SGCD: variants seen among roughly 807,000 people sequenced by gnomAD.
SGCD encodes the protein sarcoglycan delta.
A neutral mutation model predicts 36.6 loss-of-function variants in SGCD; 18 were observed. The ratio of observed to expected loss-of-function variants is 0.49; its 90% CI spans 0.34 to 0.73. SGCD has a LOEUF of 0.73. Ranked by LOEUF, SGCD falls within the 30% of genes least tolerant of loss-of-function variation. The pLI, the probability that SGCD is intolerant of heterozygous loss-of-function variation, is 0.01. For synonymous variants in SGCD, 133 were observed against 130.6 expected (o/e 1.02, Z -0.12); for missense variants, 387 against 346.7 (o/e 1.12, Z -0.92).
rs73810350 is a variant in SGCD, at chr5:155,923,826, A to C, written c.-282+53402A>C. Among the ~76,000 whole-genome samples, 1,380 of 152,232 alleles carry C rather than the reference A, an allele frequency of 9.1e-3. 27 individuals carry two copies. Among genetic ancestry groups the C allele is most frequent in the African/African-American group, 0.031 (1,276 of 41,556 alleles). ...TGTTTTAACTAGTGAACAAACAATT[A>C]TTTTTTTCACGTATCACCATATATA... On this transcript the variant is annotated intron_variant, in intron 1 of 9. Transcript: ENST00000517913.
At chr5:155,980,567 G>T (rs1322881069) in intron 1 of SGCD, among the ~76,000 whole-genome samples, 4 of 108,438 alleles carry the variant, frequency 3.7e-5, no homozygotes, top group Non-Finnish European at 6.8e-5. Flanking sequence ...CAGCCTCGGT[G>T]ACAGAGCAAG....
intron 7 of SGCD, among the ~76,000 whole-genome samples, chr5:156,699,252 A>AT (rs1754437807): frequency 6.6e-6 from 1 of 151,784 alleles, no homozygotes; most frequent in Non-Finnish European, 1.5e-5. Context: ...TGGGGTATCT[A>AT]TTTTTTTAAG....
intron 6 of SGCD, among the ~76,000 whole-genome samples, chr5:156,605,716 T>C (rs1413901182): frequency 1.3e-5 from 2 of 152,210 alleles, no homozygotes; most frequent in African/African-American, 4.8e-5. Context: ...ACTTGTTGTT[T>C]CCTGACTTTT....
intron 1 of SGCD, among the ~76,000 whole-genome samples, chr5:155,995,074 T>C (rs1758513201): frequency 6.6e-6 from 1 of 152,192 alleles, no homozygotes; most frequent in South Asian, 2.1e-4. Flanking sequence ...TTTGGTAAGC[T>C]TCTTATGGGT....
intron 3 of SGCD, among the ~76,000 whole-genome samples, chr5:156,229,300 A>ATAT (rs1477607808): frequency 3.2e-5 from 4 of 126,122 alleles, no homozygotes; most frequent in Non-Finnish European, 6.6e-5. Context: ...ATATATATAT[A>ATAT]AAATTAGTTC....
intron 4 of SGCD, among the ~76,000 whole-genome samples, chr5:156,581,132 TGTTA>T (rs1488904516): frequency 6.6e-6 from 1 of 152,210 alleles, no homozygotes; most frequent in East Asian, 1.9e-4. Flanking sequence ...CCTTTCTGTT[TGTTA>T]GTTTTCCTTC....
chr5:156,548,825 C>T (rs938385124), intron 4 of SGCD, among the ~76,000 whole-genome samples: 2 of 152,126 alleles, frequency 1.3e-5, no homozygotes, highest in African/African-American at 4.8e-5. Flanking sequence ...AAAAGGAGAG[C>T]TCTGGAAGCA....
rs1439321608 is a variant in SGCD at position 156,763,443 on chromosome 5, A to G, written c.*4053A>G. On this transcript the variant is annotated 3_prime_UTR_variant, in exon 9 of 9. Coordinates refer to ENST00000337851, the MANE Select transcript of SGCD (RefSeq NM_000337.6). ...GGAAGTATTGGAAAAAGCAAAATAC[A>G]TGGGGACAAAAAAAATACAGTGAAA... 1 of 152,642 alleles carries G rather than the reference A, an allele frequency of 6.6e-6. No homozygotes were observed. 9.5% of individuals were successfully genotyped at this position (152,642 alleles called of 1,614,324 possible). A position where few individuals can be genotyped will look rare whatever the true frequency, so the allele number is the denominator to read the frequency against.
intron 1 of SGCD, among the ~76,000 whole-genome samples, chr5:155,955,017 A>G (rs555613297): frequency 6.6e-6 from 1 of 152,284 alleles, no homozygotes; most frequent in African/African-American, 2.4e-5. Context: ...GTCTTGCTCA[A>G]GCTGCCAGGA....
chr5:156,010,925 T>G (rs1758847639), intron 1 of SGCD, among the ~76,000 whole-genome samples: 1 of 152,242 alleles, frequency 6.6e-6, no homozygotes, highest in Admixed American at 6.5e-5. Context: ...GCTTGTTTCA[T>G]GTTTATAGCT....
At chr5:156,608,930 A>C (rs1386462548) in intron 6 of SGCD, among the ~76,000 whole-genome samples, 1 of 151,886 alleles carries the variant, frequency 6.6e-6, no homozygotes, top group Non-Finnish European at 1.5e-5. Context: ...TTTTGAGCCT[A>C]TGTGTGTCTC....
intron 1 of SGCD, among the ~76,000 whole-genome samples, chr5:155,982,810 TTCC>T (rs1025889175): frequency 6.6e-6 from 1 of 152,120 alleles, no homozygotes; most frequent in African/African-American, 2.4e-5. Context: ...ATTATGACAG[TTCC>T]TATCTCCAAA....
intron 4 of SGCD, among the ~76,000 whole-genome samples, chr5:156,582,899 C>A (rs1169579310): frequency 6.6e-6 from 1 of 152,144 alleles, no homozygotes; most frequent in East Asian, 1.9e-4. Flanking sequence ...TCTTTGAATT[C>A]TTTGTAACCT....
rs1012626726 is a variant in SGCD, at chr5:156,614,078, C to A, written c.502+19027C>A. Among the ~76,000 whole-genome samples the A allele has an allele frequency of 3.3e-5, 5 of 152,240 alleles. No individual in the cohort carries two copies. The East Asian group carries it at 9.7e-4, about 29-fold the overall frequency. On this transcript the variant is annotated intron_variant, in intron 6 of 8. Coordinates refer to ENST00000337851, the MANE Select transcript of SGCD (RefSeq NM_000337.6). ...TCTTGTGCCTCAGCCTCCTGAGTAG[C>A]TGGGATTACAGGTACGCACCATCAC...
chr5:156,148,918 T>C (rs1439102594), intron 3 of SGCD, among the ~76,000 whole-genome samples: 2 of 152,200 alleles, frequency 1.3e-5, no homozygotes, highest in Admixed American at 6.5e-5. Flanking sequence ...GCAAGAGTGC[T>C]TTTATCGTTC....
At chr5:156,230,727 A>T (rs569380921) in intron 3 of SGCD, among the ~76,000 whole-genome samples, 8 of 152,272 alleles carry the variant, frequency 5.3e-5, no homozygotes, top group African/African-American at 1.9e-4. Flanking sequence ...TGGGAGCTGT[A>T]ATCTAGTTCT....
chr5:156,705,409 C>A (rs1754699179), intron 7 of SGCD, among the ~76,000 whole-genome samples: 3 of 152,100 alleles, frequency 2.0e-5, no homozygotes, highest in Admixed American at 2.0e-4. Flanking sequence ...CAACTTCTAA[C>A]CAGAAACTTT....
intron 3 of SGCD, among the ~76,000 whole-genome samples, chr5:156,449,675 T>TACAAAAA (rs1753911261): frequency 5.2e-5 from 1 of 19,226 alleles, no homozygotes; most frequent in African/African-American, 2.3e-4. Flanking sequence ...CTACTAAAAA[T>TACAAAAA]ACAAAAAAAA....
At chr5:155,828,998 T>A in the SGCD span, among the ~76,000 whole-genome samples, 1 of 152,006 alleles carries the variant, frequency 6.6e-6, no homozygotes, top group East Asian at 1.9e-4. Flanking sequence ...TTATTATTAT[T>A]ATATTATTCT....
Sources: allele counts gnomAD v4.1 joint callset (sites outside exome capture counted in the v4.1 genomes callset), GRCh38; gene constraint gnomAD v4.1.1; transcripts MANE v1.5; gene names NCBI Gene and HGNC (gene_info 2026-07-23, HGNC 2026-07-21).